Variants in MAP4 observed in about 807,000 individuals in gnomAD.
MAP4 encodes microtubule associated protein 4.
MAP4 carries 76 observed loss-of-function variants against 170.2 expected under a neutral mutation model. The ratio of observed to expected loss-of-function variants is 0.45; its 90% CI spans 0.37 to 0.54. The LOEUF is 0.54. Ranked by LOEUF, MAP4 falls within the 20% of genes least tolerant of loss-of-function variation. The probability of loss-of-function intolerance (pLI) is 0.00; values close to 1 mark genes in which losing one functional copy is unlikely to be tolerated. For synonymous variants in MAP4, 909 were observed against 994.5 expected, an observed-to-expected ratio of 0.91 and a Z score of 1.62; for missense variants, 2,506 against 2,748.0, an observed-to-expected ratio of 0.91 and a Z score of 1.97.
chr3:48,068,037 G>C lies in MAP4; in HGVS notation c.-20+20736C>G, dbSNP rs1045478142. Among the ~76,000 whole-genome samples, 3 of 152,040 alleles carry C rather than the reference G, an allele frequency of 2.0e-5. No homozygotes were observed. The East Asian group carries it at 5.8e-4, about 29-fold the overall frequency. ...CCCAGCACTTTGGGAGGCTGAGGTA[G>C]GCAGATCACTTGAGCTCAGGAGTTC... is the stretch of plus-strand genomic sequence containing the variant. On this transcript the variant is annotated intron_variant, in intron 1 of 18. Transcript: ENST00000360240.
intron 4 of MAP4, among the ~76,000 whole-genome samples, chr3:47,923,243 C>T (rs1383411624): frequency 2.0e-5 from 3 of 151,894 alleles, no homozygotes; most frequent in African/African-American, 7.3e-5. Context: ...TAAGACACTT[C>T]AATTGTCAGA....
At chr3:47,905,466 T>C (rs915154641) in intron 9 of MAP4, among the ~76,000 whole-genome samples, 1 of 151,580 alleles carries the variant, frequency 6.6e-6, no homozygotes, top group Non-Finnish European at 1.5e-5. Flanking sequence ...GGAGATCGAT[T>C]ATAAACATGA....
At chr3:48,027,371 C>G (rs887589499) in intron 1 of MAP4, among the ~76,000 whole-genome samples, 38 of 152,134 alleles carry the variant, frequency 2.5e-4, no homozygotes, top group African/African-American at 9.2e-4. Flanking sequence ...CAACTCCCAC[C>G]AAGCCCAGAG....
intron 11 of MAP4, 34 bp from the exon 12 acceptor site, chr3:47,875,934 AT>A (rs2095280494): frequency 1.3e-6 from 2 of 1,492,656 alleles, no homozygotes; most frequent in African/African-American, 1.4e-5. Flanking sequence ...TTTTATTTTT[AT>A]TTTTTAAAGG....
chr3:48,034,500 C>T (rs1020521041), intron 1 of MAP4, among the ~76,000 whole-genome samples: 50 of 151,632 alleles, frequency 3.3e-4, no homozygotes, highest in African/African-American at 1.1e-3. Context: ...GTCAGGAGTT[C>T]GAGACCAGCC....
At position 47,975,910 on chromosome 3, in the gene MAP4, C is replaced by T. The variant is rs534120646; in HGVS notation, c.292+1955G>A. On this transcript the variant is annotated intron_variant, in intron 3 of 20. Transcript: ENST00000683076. ...GTTCAAGCGATTCTTCTGCCTCAGCCTCCCAAGTAGCTGGGACTACAGGCA... is the reference window on the plus strand; with the variant it reads ...GTTCAAGCGATTCTTCTGCCTCAGCTTCCCAAGTAGCTGGGACTACAGGCA... Among the ~76,000 whole-genome samples the T allele has an allele frequency of 4.3e-4, 65 of 152,114 alleles. No individual in the cohort carries two copies. The Middle Eastern group carries it at 0.017, about 40-fold the overall frequency.
chr3:47,961,215 C>G (rs2100071399), intron 3 of MAP4: 1 of 152,314 alleles, frequency 6.6e-6, no homozygotes, highest in Non-Finnish European at 1.5e-5. Flanking sequence ...GATAAACAGC[C>G]AGCAGGCCAA....
rs1353235998 is a variant in MAP4, at chr3:47,912,121, A to G, written c.2300T>C (p.Met767Thr). 6.5e-7 allele frequency: 1 copy of G among 1,536,034 alleles called. No homozygotes were observed. The highest frequency in any genetic ancestry group is 8.7e-7 in the Non-Finnish European group (1 of 1,146,884). Residue 767 changes from methionine to threonine, a missense_variant, in exon 9 of 21, where the codon ATG becomes ACG. By Grantham distance (81) the Met-to-Thr change is moderately conservative (BLOSUM62 -1). Around this residue, in one of 3 missense-constraint regions of MAP4, gnomAD observed 2,008 missense variants for 2,206.0 expected, o/e 0.91. Transcript: ENST00000683076. Reference protein sequence around the residue: ...EAWDIESTPIMMKKKKKKPKQ... With the variant: ...EAWDIESTPITMKKKKKKPKQ... Reference sequence around the variant, plus strand: ...TGGTTTCTTCTTCTTTTTCTTCATCATTATTGGTGTGCTTTCTATATCCCA... The same window carrying G: ...TGGTTTCTTCTTCTTTTTCTTCATCGTTATTGGTGTGCTTTCTATATCCCA...
intron 10 of MAP4, among the ~76,000 whole-genome samples, chr3:47,881,120 T>C (rs1314804940): frequency 1.3e-5 from 2 of 152,036 alleles, no homozygotes; most frequent in African/African-American, 4.8e-5. Context: ...CTTAGTGGGA[T>C]TGATCCTTTA....
rs561415729 is a variant in MAP4, at chr3:48,042,235, C to A, written c.-19-43356G>T. Among the ~76,000 whole-genome samples the A allele has an allele frequency of 2.0e-5, 3 of 152,274 alleles. No homozygotes were observed. The South Asian group carries it at 6.2e-4, about 32-fold the overall frequency. On this transcript the variant is annotated intron_variant, in intron 1 of 18. Transcript: ENST00000360240. ...AAACTGAGCCCTCAACCTGTGGAAT[C>A]TTGATGCTATCTCCAGGTTGATTAT...
At chr3:48,067,189 G>A (rs1012592660) in intron 1 of MAP4, among the ~76,000 whole-genome samples, 1 of 151,620 alleles carries the variant, frequency 6.6e-6, no homozygotes, top group Non-Finnish European at 1.5e-5. Context: ...TCCATCACCA[G>A]ACAGACTGTT....
intron 1 of MAP4, among the ~76,000 whole-genome samples, chr3:48,051,194 T>C (rs1259370791): frequency 1.3e-5 from 2 of 151,536 alleles, no homozygotes; most frequent in Non-Finnish European, 2.9e-5. Context: ...GGATGGATCA[T>C]CTGAGGTCAG....
chr3:47,894,645 C>A (rs934397652), intron 10 of MAP4, among the ~76,000 whole-genome samples: 1 of 151,578 alleles, frequency 6.6e-6, no homozygotes, highest in Non-Finnish European at 1.5e-5. Flanking sequence ...CTTGGTAATA[C>A]AACATAGTTG....
chr3:47,891,323 G>A, intron 10 of MAP4: 1 of 1,536,176 alleles, frequency 6.5e-7, no homozygotes, highest in Non-Finnish European at 8.7e-7. Flanking sequence ...CTTGGCCACT[G>A]GTTCCTCACA....
intron 1 of MAP4, among the ~76,000 whole-genome samples, chr3:48,078,311 ATTTTTTT>A (rs758589017): frequency 1.8e-4 from 22 of 125,240 alleles, no homozygotes; most frequent in African/African-American, 4.5e-4. Context: ...TGCCTGGCTA[ATTTTTTT>A]TTTTTTTTTT....
intron 3 of MAP4, among the ~76,000 whole-genome samples, chr3:47,936,380 C>T (rs544207641): frequency 1.3e-5 from 2 of 150,978 alleles, no homozygotes; most frequent in African/African-American, 2.4e-5. Context: ...TGCAGTGACC[C>T]GAGATCACAT....
chr3:47,936,249 C>T (rs1023753931), intron 3 of MAP4, among the ~76,000 whole-genome samples: 3 of 151,806 alleles, frequency 2.0e-5, no homozygotes, highest in Admixed American at 6.6e-5. Context: ...GCCCGACCAA[C>T]GTGGTGAAAA....
intron 1 of MAP4, among the ~76,000 whole-genome samples, chr3:48,042,193 G>A (rs560203389): frequency 1.3e-5 from 2 of 152,302 alleles, no homozygotes; most frequent in East Asian, 3.9e-4. Flanking sequence ...GTGAAGTGTG[G>A]GGAGAGGCAG....
intron 9 of MAP4, among the ~76,000 whole-genome samples, chr3:47,906,807 C>A (rs928410542): frequency 1.6e-4 from 23 of 141,472 alleles, no homozygotes; most frequent in East Asian, 2.0e-4. Context: ...AAAAAAAAAA[C>A]AAAAAAAAGA....
Sources: allele counts gnomAD v4.1 joint callset (sites outside exome capture counted in the v4.1 genomes callset), GRCh38; gene constraint gnomAD v4.1.1; regional missense constraint gnomAD v4.1.1; transcripts MANE v1.5; gene names NCBI Gene and HGNC (gene_info 2026-07-23, HGNC 2026-07-21).